MAX: variants seen among roughly 807,000 people sequenced by gnomAD.
MAX encodes the protein MYC associated transcriptional regulator X, also known as protein max.
Under a neutral mutation model 22.3 loss-of-function variants are expected in MAX, and 3 were observed. That is an observed-to-expected ratio of 0.13 (90% CI 0.06 to 0.35). The LOEUF is 0.35. MAX is among the 10% of genes least tolerant of loss of function. The pLI, the probability that MAX is intolerant of heterozygous loss-of-function variation, is 1.00. For missense variants in MAX, 119 were observed against 209.4 expected (o/e 0.57, Z 2.66); for synonymous variants, 72 against 77.7 (o/e 0.93, Z 0.39).
intron 3 of MAX, among the ~76,000 whole-genome samples, chr14:65,010,923 T>C (rs890533160): frequency 1.3e-5 from 2 of 152,180 alleles, no homozygotes; most frequent in Admixed American, 1.3e-4. Context: ...TGAATTAAAA[T>C]TGAATTAAAA....
At chr14:65,072,163 C>T (rs1319339162), downstream of MAX, among the ~76,000 whole-genome samples, 1 of 152,164 alleles carries the variant, frequency 6.6e-6, no homozygotes, top group African/African-American at 2.4e-5. Context: ...TCCTGGTGAC[C>T]AGGCCTGAGA....
At chr14:65,049,679 A>G (rs2062564043) in intron 3 of MAX, among the ~76,000 whole-genome samples, 1 of 152,174 alleles carries the variant, frequency 6.6e-6, no homozygotes, top group South Asian at 2.1e-4. Flanking sequence ...ACAGGTTATC[A>G]TTTACCTTAT....
At chr14:65,096,856 G>A (rs1388040767) in intron 2 of MAX, among the ~76,000 whole-genome samples, 1 of 152,164 alleles carries the variant, frequency 6.6e-6, no homozygotes, top group Non-Finnish European at 1.5e-5. Flanking sequence ...GGAGACCACA[G>A]AGGTATTCTT....
intron 3 of MAX, chr14:65,083,955 C>G: frequency 8.7e-6 from 12 of 1,383,110 alleles, no homozygotes; most frequent in Non-Finnish European, 1.1e-5. Flanking sequence ...TAAACTAGTT[C>G]ATTCAAAAAT....
chr14:65,058,300 A>G (rs182813459), intron 3 of MAX, among the ~76,000 whole-genome samples: 2 of 147,316 alleles, frequency 1.4e-5, no homozygotes, highest in East Asian at 2.0e-4. Context: ...TACAGTTTTC[A>G]TGTCTCTTGT....
chr14:65,039,497 G>C (rs2062294766), intron 3 of MAX, among the ~76,000 whole-genome samples: 1 of 152,186 alleles, frequency 6.6e-6, no homozygotes, highest in Non-Finnish European at 1.5e-5. Flanking sequence ...CAACAAACTT[G>C]GTTCAGACGC....
chr14:65,085,320 G>C (rs2139808160), intron 3 of MAX, among the ~76,000 whole-genome samples: 1 of 152,312 alleles, frequency 6.6e-6, no homozygotes, highest in South Asian at 2.1e-4. Context: ...CCAAAGGGAA[G>C]GCTGTAGTTG....
At chr14:65,095,610 A>G (rs541262915) in intron 2 of MAX, among the ~76,000 whole-genome samples, 119 of 152,322 alleles carry the variant, frequency 7.8e-4, no homozygotes, top group African/African-American at 2.8e-3. Context: ...AGGAGCTTAA[A>G]GGCCAAGAGA....
rs918217896 is a variant in MAX, at chr14:65,007,343, A to G, written c.172-1059T>C. Among the ~76,000 whole-genome samples, 1 of 152,222 alleles carries G rather than the reference A, an allele frequency of 6.6e-6. No homozygotes were observed. The highest frequency in any genetic ancestry group is 1.5e-5 in the Non-Finnish European group (1 of 68,034). On this transcript the variant is annotated intron_variant, in intron 3 of 3. Transcript: ENST00000341653. This position sits in a 1 kb window ranked among gnomAD's most constrained non-coding sequence, Gnocchi z 4.9. ...GTGCATGGTTAGCTGTTAGCAGTAA[A>G]TCTAGATGGCAGGGCTTGTTTGTGT...
At chr14:65,033,125 G>A (rs1012802190) in intron 3 of MAX, among the ~76,000 whole-genome samples, 8 of 152,190 alleles carry the variant, frequency 5.3e-5, no homozygotes, top group Non-Finnish European at 1.0e-4. Flanking sequence ...CACGAGATGG[G>A]TAAGTGTGGT....
chr14:65,014,978 T>C lies in MAX; in HGVS notation c.172-8694A>G, dbSNP rs2061742860. 6.6e-6 allele frequency among the ~76,000 whole-genome samples: 1 copy of C among 152,044 alleles called. No individual in the cohort carries two copies. Among genetic ancestry groups the C allele is most frequent in the Non-Finnish European group, 1.5e-5 (1 of 67,964 alleles). On this transcript the variant is annotated intron_variant, in intron 3 of 3. Transcript: ENST00000341653. This position sits in a 1 kb window ranked among gnomAD's most constrained non-coding sequence, Gnocchi z 5.1. ...TCTCCTTGGTTCTATACCGAGAAAA[T>C]AGCAGCCCCTAACCTCCTGGCCTGT...
rs2062008517 is a variant in MAX, at chr14:65,027,665, G to A, written c.172-21381C>T. The stretch of plus-strand genomic sequence containing the variant: ...CCCCGCCTGCTGACACGCACTGACT[G>A]TTGCCTCTCCTACCTCTTTCCCTGT... On this transcript the variant is annotated intron_variant, in intron 3 of 3. Coordinates refer to the MAX transcript ENST00000341653. This position sits in a 1 kb window ranked among gnomAD's most constrained non-coding sequence, Gnocchi z 5.7. The A allele has an allele frequency of 2.5e-6, 4 of 1,614,144 alleles. No homozygotes were observed. The highest frequency in any genetic ancestry group is 1.3e-5 in the African/African-American group (1 of 75,046).
intron 3 of MAX, among the ~76,000 whole-genome samples, chr14:65,006,629 C>T (rs538886295): frequency 2.6e-5 from 4 of 152,188 alleles, no homozygotes; most frequent in Non-Finnish European, 5.9e-5. Context: ...ATGACTCACC[C>T]GATCGGGCTG....
At position 65,076,714 on chromosome 14, in the gene MAX, T is replaced by A. The variant is rs2063068222; in HGVS notation, c.296-51A>T. 1 of 1,610,000 alleles carries A rather than the reference T, an allele frequency of 6.2e-7. No homozygotes were observed. Among genetic ancestry groups the A allele is most frequent in the African/African-American group, 1.3e-5 (1 of 74,776 alleles). On this transcript the variant is annotated intron_variant, in intron 4 of 4. Transcript: ENST00000358664. This position sits in a 1 kb window ranked among gnomAD's most constrained non-coding sequence, Gnocchi z 6.6. ...TACTGCCTTCTGGAGACTTGGGGAG[T>A]AACCGAGTCTCAGACTCAGGGTCCA...
chr14:65,075,675 A>G lies in MAX; in HGVS notation c.*801T>C. Reference sequence around the variant, plus strand: ...CAAAACATCATCACTGGCCCTCAATACAAAACCTCTATGCCACCCAAAACA... The same window carrying G: ...CAAAACATCATCACTGGCCCTCAATGCAAAACCTCTATGCCACCCAAAACA... On this transcript the variant is annotated 3_prime_UTR_variant, in exon 5 of 5. Coordinates refer to ENST00000358664, the MANE Select transcript of MAX (RefSeq NM_002382.5). The surrounding 1 kb of genome is among the most constrained non-coding windows in gnomAD (Gnocchi z 4.1). 1 of 1,066,484 alleles carries G rather than the reference A, an allele frequency of 9.4e-7. No homozygotes were observed. Among genetic ancestry groups the G allele is most frequent in the Non-Finnish European group, 1.1e-6 (1 of 879,828 alleles). The allele number at this position is 1,066,484 out of a possible 1,614,324, so 66.1% of individuals were successfully genotyped here.
chr14:65,024,103 T>C (rs1414914990), intron 3 of MAX, among the ~76,000 whole-genome samples: 1 of 129,752 alleles, frequency 7.7e-6, no homozygotes, highest in East Asian at 2.3e-4. Flanking sequence ...CTCCATCTCC[T>C]AAAAAAAAAA....
At chr14:65,043,969 C>G (rs567517256) in intron 3 of MAX, among the ~76,000 whole-genome samples, 32 of 151,820 alleles carry the variant, frequency 2.1e-4, no homozygotes, top group African/African-American at 7.2e-4. Context: ...CAACTTAAGC[C>G]ATGTTTATTA....
chr14:65,100,992 C>T (rs948591785), intron 2 of MAX, among the ~76,000 whole-genome samples: 2 of 152,104 alleles, frequency 1.3e-5, no homozygotes, highest in African/African-American at 4.8e-5. Context: ...AGAATCAGAC[C>T]ATAATAACTT....
rs1477886711 is a variant in MAX, at chr14:65,101,433, A to G, written c.63+113T>C. 4 of 999,250 alleles carry G rather than the reference A, an allele frequency of 4.0e-6. No individual in the cohort carries two copies. The East Asian group carries it at 7.7e-5, about 19-fold the overall frequency. The allele number at this position is 999,250 out of a possible 1,614,324, so 61.9% of individuals were successfully genotyped here. On this transcript the variant is annotated intron_variant, in intron 2 of 4. Coordinates refer to ENST00000358664, the MANE Select transcript of MAX (RefSeq NM_002382.5). ...GCCCCACCTCACCTTAGTGGTTAACATTAGAGTTTACTACAATATTAAAAG... is the reference window on the plus strand; with the variant it reads ...GCCCCACCTCACCTTAGTGGTTAACGTTAGAGTTTACTACAATATTAAAAG...
Sources: allele counts gnomAD v4.1 joint callset (sites outside exome capture counted in the v4.1 genomes callset), GRCh38; gene constraint gnomAD v4.1.1; non-coding constraint Gnocchi (gnomAD v3.1); transcripts MANE v1.5; gene names NCBI Gene and HGNC (gene_info 2026-07-23, HGNC 2026-07-21).